Variants in COP1 observed in about 807,000 individuals in gnomAD.
COP1 encodes COP1 E3 ubiquitin ligase, also known as E3 ubiquitin-protein ligase COP1.
In COP1, 24 loss-of-function variants were observed where a neutral mutation model predicts 101.3. The observed-to-expected ratio is 0.24, with a 90% CI of 0.17 to 0.33. The LOEUF is 0.33. COP1 is among the 10% of genes least tolerant of loss of function. The pLI is 1.00. For missense variants in COP1, 663 were observed against 906.2 expected (o/e 0.73, Z 3.45); for synonymous variants, 347 against 341.9 (o/e 1.01, Z -0.17).
chr1:176,134,139 TA>T (rs987541775), intron 8 of COP1, among the ~76,000 whole-genome samples: 3 of 151,960 alleles, frequency 2.0e-5, no homozygotes, highest in East Asian at 1.9e-4. Context: ...ATAGCTTTCC[TA>T]AAGTGATAAG....
chr1:176,082,661 C>G (rs895042242), intron 10 of COP1, among the ~76,000 whole-genome samples: 4 of 151,830 alleles, frequency 2.6e-5, no homozygotes, highest in African/African-American at 7.3e-5. Context: ...ACAAAATTAG[C>G]CAGGTGTGCT....
intron 9 of COP1, among the ~76,000 whole-genome samples, chr1:176,091,839 C>G (rs1281999886): frequency 3.9e-5 from 6 of 151,958 alleles, no homozygotes; most frequent in Non-Finnish European, 8.8e-5. Context: ...GAAACAATCA[C>G]TAATAGAAAT....
At chr1:175,972,777 G>T (rs1011357994) in intron 18 of COP1, among the ~76,000 whole-genome samples, 14 of 151,842 alleles carry the variant, frequency 9.2e-5, no homozygotes, top group Admixed American at 9.2e-4. Context: ...AAAATGACAA[G>T]AATTTCTAGC....
intron 9 of COP1, among the ~76,000 whole-genome samples, chr1:176,112,361 G>C (rs562941076): frequency 6.6e-6 from 1 of 151,462 alleles, no homozygotes; most frequent in Non-Finnish European, 1.5e-5. Context: ...TGTGCACAAC[G>C]TGCAGGTTTG....
chr1:175,994,933 A>T (rs1659728534), intron 15 of COP1, among the ~76,000 whole-genome samples: 1 of 152,244 alleles, frequency 6.6e-6, no homozygotes, highest in African/African-American at 2.4e-5. Flanking sequence ...CCAAATCAAT[A>T]GAATATACAT....
At chr1:176,204,184 A>G (rs2102309650) in intron 1 of COP1, among the ~76,000 whole-genome samples, 1 of 152,324 alleles carries the variant, frequency 6.6e-6, no homozygotes, top group Non-Finnish European at 1.5e-5. Flanking sequence ...TTACCTGTCC[A>G]ACGACAAACA....
intron 15 of COP1, among the ~76,000 whole-genome samples, chr1:176,017,083 T>C (rs1255518033): frequency 1.3e-5 from 2 of 152,158 alleles, no homozygotes; most frequent in South Asian, 2.1e-4. Context: ...CAATCATCAA[T>C]ACGTTAAAAT....
intron 12 of COP1, among the ~76,000 whole-genome samples, chr1:176,044,432 T>C (rs1040532668): frequency 2.6e-5 from 4 of 152,182 alleles, no homozygotes; most frequent in African/African-American, 4.8e-5. Context: ...ATCACGCATA[T>C]AGTAAAGGGA....
Position 176,166,023 on chromosome 1 carries a change from T to C in COP1, c.566-2132A>G, listed in dbSNP as rs192635816. On this transcript the variant is annotated intron_variant, in intron 3 of 19. Coordinates refer to ENST00000367669, the MANE Select transcript of COP1 (RefSeq NM_022457.7). ...TGCCGCATTGAATTTTACCACAAAATCTTATATACCATTATATTTGATTCT... is the reference window on the plus strand; with the variant it reads ...TGCCGCATTGAATTTTACCACAAAACCTTATATACCATTATATTTGATTCT... 3.9e-5 allele frequency among the ~76,000 whole-genome samples: 6 copies of C among 152,318 alleles called. No homozygotes were observed. In the East Asian group the frequency reaches 1.2e-3, roughly 29 times the overall value.
At chr1:176,086,600 C>T (rs899232402) in intron 9 of COP1, among the ~76,000 whole-genome samples, 9 of 151,940 alleles carry the variant, frequency 5.9e-5, no homozygotes, top group African/African-American at 1.2e-4. Flanking sequence ...CTTTTTCCAA[C>T]GAAATAAGAG....
At chr1:176,175,799 G>A in intron 3 of COP1, 111 bp downstream of exon 3, 2 of 600,636 alleles carry the variant, frequency 3.3e-6, no homozygotes, top group Non-Finnish European at 3.0e-6. Context: ...GTGGTATACA[G>A]TAGAGAGAGA....
At chr1:176,131,128 A>T (rs774431281) in intron 8 of COP1, among the ~76,000 whole-genome samples, 19 of 151,816 alleles carry the variant, frequency 1.3e-4, no homozygotes, top group Non-Finnish European at 2.4e-4. Context: ...AAGCACAAAA[A>T]CAATAGGCTG....
chr1:176,116,705 G>T (rs768630539), intron 8 of COP1, 24 bp from the exon 9 acceptor site: 63 of 1,520,926 alleles, frequency 4.1e-5, no homozygotes, highest in Non-Finnish European at 5.6e-5. Context: ...AGAAAAAAAT[G>T]TGATTTCAGT....
At chr1:176,195,504 C>T (rs772309262) in intron 1 of COP1, among the ~76,000 whole-genome samples, 6 of 152,092 alleles carry the variant, frequency 3.9e-5, no homozygotes, top group Admixed American at 6.5e-5. Flanking sequence ...TCAGCCTACA[C>T]ATGGCAGAGT....
intron 1 of COP1, among the ~76,000 whole-genome samples, chr1:176,197,102 G>A (rs2102222050): frequency 6.6e-6 from 1 of 152,136 alleles, no homozygotes; most frequent in African/African-American, 2.4e-5. Context: ...AATAATCAAG[G>A]TAAAATACAG....
intron 4 of COP1, 54 bp from the exon 5 acceptor site, chr1:176,163,042 G>A (rs879471184): frequency 1.1e-5 from 17 of 1,518,730 alleles, no homozygotes; most frequent in Non-Finnish European, 1.5e-5. Flanking sequence ...CTGTTTTAGA[G>A]ACTAAAACAA....
chr1:176,122,998 AAGTT>A (rs1420420719), intron 8 of COP1, among the ~76,000 whole-genome samples: 1 of 152,196 alleles, frequency 6.6e-6, no homozygotes, highest in Non-Finnish European at 1.5e-5. Flanking sequence ...CCAACAAAAT[AAGTT>A]AAAGTTTCAG....
intron 6 of COP1, among the ~76,000 whole-genome samples, chr1:176,148,466 T>A (rs937756479): frequency 1.3e-5 from 2 of 152,108 alleles, no homozygotes; most frequent in Non-Finnish European, 2.9e-5. Flanking sequence ...TATTTAATTT[T>A]CCCATATTTT....
At chr1:176,108,391 A>C (rs76108440) in intron 9 of COP1, among the ~76,000 whole-genome samples, 2 of 152,332 alleles carry the variant, frequency 1.3e-5, no homozygotes, top group African/African-American at 4.8e-5. Flanking sequence ...GAATTTTTGC[A>C]CATATGATTA....
Sources: gnomAD v4.1 joint callset for allele counts (sites outside exome capture counted in the v4.1 genomes callset) on GRCh38, gnomAD v4.1.1 for gene constraint, MANE v1.5 for transcripts, NCBI Gene and HGNC (gene_info 2026-07-23, HGNC 2026-07-21) for gene names.